TTLL7: variants seen among roughly 807,000 people sequenced by gnomAD.
TTLL7 encodes the protein tubulin polyglutamylase TTLL7.
Under a neutral mutation model 120.2 loss-of-function variants are expected in TTLL7, and 53 were observed. The ratio of observed to expected loss-of-function variants is 0.44; its 90% confidence interval spans 0.35 to 0.55. TTLL7 has a LOEUF of 0.55. Ranked by LOEUF, TTLL7 falls within the 20% of genes least tolerant of loss-of-function variation. The pLI is 0.00. For missense variants in TTLL7, 803 were observed against 1,054.7 expected (o/e 0.76, Z 3.31); for synonymous variants, 353 against 351.7 (o/e 1.00, Z -0.04).
intron 18 of TTLL7, among the ~76,000 whole-genome samples, chr1:83,895,468 G>A (rs556357213): frequency 6.6e-6 from 1 of 152,116 alleles, no homozygotes; most frequent in South Asian, 2.1e-4. Context: ...AAAATCTCAA[G>A]CTTAGATTCC....
At chr1:83,976,860 G>A (rs1199024475) in intron 1 of TTLL7, among the ~76,000 whole-genome samples, 1 of 151,008 alleles carries the variant, frequency 6.6e-6, no homozygotes, top group Non-Finnish European at 1.5e-5. Flanking sequence ...TTCATGAATG[G>A]TAATGGAAAA....
intron 1 of TTLL7, among the ~76,000 whole-genome samples, chr1:83,992,570 C>T (rs1653098687): frequency 6.6e-6 from 1 of 152,108 alleles, no homozygotes; most frequent in Non-Finnish European, 1.5e-5. Context: ...TTTCAAATCT[C>T]ATTATGCTTC....
chr1:83,892,669 T>A (rs1391486964), intron 18 of TTLL7, among the ~76,000 whole-genome samples: 1 of 147,080 alleles, frequency 6.8e-6, no homozygotes, highest in East Asian at 2.0e-4. Context: ...TGAACATATA[T>A]ATGAACATAT....
intron 18 of TTLL7, 74 bp downstream of exon 18, chr1:83,904,005 T>C: frequency 9.1e-7 from 1 of 1,103,900 alleles, no homozygotes; most frequent in Non-Finnish European, 1.4e-6. Context: ...ACAGTCTGTC[T>C]ATGAATTTGG....
chr1:83,883,242 T>G, intron 19 of TTLL7, 106 bp from the exon 20 acceptor site: 1 of 849,086 alleles, frequency 1.2e-6, no homozygotes, highest in Non-Finnish European at 1.8e-6. Context: ...AGAAATGGTC[T>G]CATACATTTG....
intron 1 of TTLL7, among the ~76,000 whole-genome samples, chr1:83,959,095 G>A (rs1649792107): frequency 6.6e-6 from 1 of 152,168 alleles, no homozygotes; most frequent in Non-Finnish European, 1.5e-5. Flanking sequence ...AGAGTTCCAT[G>A]AGTCAAAAAA....
intron 1 of TTLL7, among the ~76,000 whole-genome samples, chr1:83,981,921 G>A (rs1449773870): frequency 6.6e-6 from 1 of 151,676 alleles, no homozygotes; most frequent in Non-Finnish European, 1.5e-5. Flanking sequence ...AATCAGCAAG[G>A]ATACAGGAAA....
chr1:83,904,057 A>C (rs1281748329), intron 18 of TTLL7, 22 bp downstream of exon 18: 6 of 1,592,170 alleles, frequency 3.8e-6, no homozygotes, highest in African/African-American at 1.3e-5. Context: ...GAGGGAAAAA[A>C]CTTGTTTTGA....
chr1:83,987,710 T>C (rs1338290236), intron 1 of TTLL7, among the ~76,000 whole-genome samples: 2 of 152,182 alleles, frequency 1.3e-5, no homozygotes, highest in African/African-American at 4.8e-5. Flanking sequence ...AAATCAACTT[T>C]AAACTTTTTG....
At chr1:83,940,446 A>G (rs1428090256) in intron 7 of TTLL7, among the ~76,000 whole-genome samples, 1 of 152,204 alleles carries the variant, frequency 6.6e-6, no homozygotes, top group Non-Finnish European at 1.5e-5. Flanking sequence ...GAACAGATAC[A>G]TTTGGAGGTC....
At chr1:83,991,025 GA>G (rs777141337) in intron 1 of TTLL7, among the ~76,000 whole-genome samples, 1 of 152,158 alleles carries the variant, frequency 6.6e-6, no homozygotes, top group Non-Finnish European at 1.5e-5. Context: ...AAAAACTAAG[GA>G]AATTCTGACA....
chr1:83,963,496 G>C (rs376004778), intron 1 of TTLL7, among the ~76,000 whole-genome samples: 5 of 151,566 alleles, frequency 3.3e-5, no homozygotes, highest in Middle Eastern at 3.4e-3. Context: ...CATGTTTTTT[G>C]CTTAAACCAG....
intron 16 of TTLL7, among the ~76,000 whole-genome samples, chr1:83,907,046 T>C (rs145364392): frequency 2.5e-3 from 379 of 152,188 alleles, no homozygotes; most frequent in African/African-American, 8.7e-3. Context: ...AACATTGTAC[T>C]TAAGTGCTCT....
At position 83,917,601 on chromosome 1, in the gene TTLL7, C is replaced by T. The variant is rs377052183; in HGVS notation, c.1587+3G>A. 40 of 1,600,030 alleles carry T rather than the reference C, an allele frequency of 2.5e-5. No homozygotes were observed. The highest frequency in any genetic ancestry group is 3.3e-5 in the South Asian group (3 of 90,798). On this transcript the variant is annotated splice_donor_region_variant and intron_variant, in intron 14 of 20. Transcript: ENST00000260505. Reference sequence around the variant, plus strand: ...AAGTAAGGAAGGTAGAGATATACTGCACCTTTGGTCCTCGAGTCTTGGTAG... The same window carrying T: ...AAGTAAGGAAGGTAGAGATATACTGTACCTTTGGTCCTCGAGTCTTGGTAG...
At chr1:83,961,369 A>C (rs1536166) in intron 1 of TTLL7, among the ~76,000 whole-genome samples, 38,710 of 151,998 alleles carry the variant, frequency 0.25, 6,019 homozygotes, top group Admixed American at 0.34. Flanking sequence ...AAGTTGGGAA[A>C]AGCCATATGG....
chr1:83,898,141 G>C (rs1288110186), intron 18 of TTLL7, among the ~76,000 whole-genome samples: 2 of 151,898 alleles, frequency 1.3e-5, no homozygotes, highest in Non-Finnish European at 2.9e-5. Context: ...TAAGACAATA[G>C]CACAAGTTTC....
chr1:83,895,493 T>C (rs1402614884), intron 18 of TTLL7, among the ~76,000 whole-genome samples: 1 of 152,068 alleles, frequency 6.6e-6, no homozygotes, highest in Non-Finnish European at 1.5e-5. Context: ...TCATACATAT[T>C]ATTAATTCTG....
At chr1:83,904,664 A>C (rs1657031550) in intron 17 of TTLL7, among the ~76,000 whole-genome samples, 1 of 152,064 alleles carries the variant, frequency 6.6e-6, no homozygotes, top group African/African-American at 2.4e-5. Context: ...CAATGAATGA[A>C]AGTCAAATGT....
At chr1:83,926,112 T>TG (rs1659087185) in intron 10 of TTLL7, among the ~76,000 whole-genome samples, 1 of 82,676 alleles carries the variant, frequency 1.2e-5, no homozygotes, top group Non-Finnish European at 3.0e-5. Context: ...GGACTCTGTC[T>TG]CAAAAAAAAA....
Sources: gnomAD v4.1 joint callset for allele counts (sites outside exome capture counted in the v4.1 genomes callset) on GRCh38, gnomAD v4.1.1 for gene constraint, MANE v1.5 for transcripts, NCBI Gene and HGNC (gene_info 2026-07-23, HGNC 2026-07-21) for gene names.